The following SAMMSON variants were observed in gnomAD, a reference collection of about 807,000 sequenced individuals.
SAMMSON encodes the protein long intergenic non-protein coding RNA 1212.
At chr3:70,405,030 C>T (rs1258628015) in intron 2 of SAMMSON, among the ~76,000 whole-genome samples, 2 of 152,174 alleles carry the variant, frequency 1.3e-5, no homozygotes, top group African/African-American at 2.4e-5. Flanking sequence ...CAACAAAAAA[C>T]ATCAGTGAAA....
chr3:70,333,477 T>A (rs1484047770), intron 7 of SAMMSON, among the ~76,000 whole-genome samples: 2 of 152,364 alleles, frequency 1.3e-5, no homozygotes, highest in East Asian at 3.9e-4. Flanking sequence ...TTTTCTTCAC[T>A]GGATACTGTC....
intron 6 of SAMMSON, among the ~76,000 whole-genome samples, chr3:70,250,799 T>C (rs1325871513): frequency 1.3e-5 from 2 of 152,164 alleles, no homozygotes; most frequent in African/African-American, 4.8e-5. Flanking sequence ...GACATAAACA[T>C]ATGCATTTCT....
chr3:70,271,630 G>A (rs1278203372), intron 6 of SAMMSON, among the ~76,000 whole-genome samples: 1 of 152,174 alleles, frequency 6.6e-6, no homozygotes, highest in Non-Finnish European at 1.5e-5. Flanking sequence ...AATAGACCCA[G>A]CTAAGAAACT....
At chr3:70,392,952 G>A (rs149330266), downstream of SAMMSON, among the ~76,000 whole-genome samples, 85 of 152,158 alleles carry the variant, frequency 5.6e-4, no homozygotes, top group African/African-American at 2.0e-3. Context: ...ATTTTAATTC[G>A]CATTGCAAAG....
intron 3 of SAMMSON, among the ~76,000 whole-genome samples, chr3:70,031,739 C>G (rs1491696): frequency 0.42 from 63,553 of 151,846 alleles, 13,787 homozygotes; most frequent in East Asian, 0.63. Context: ...GTTAGCTTTT[C>G]TAAATGAAAC....
chr3:70,204,008 G>A (rs932239282), intron 4 of SAMMSON, among the ~76,000 whole-genome samples: 2 of 152,156 alleles, frequency 1.3e-5, no homozygotes, highest in African/African-American at 4.8e-5. Context: ...TGTGTGATGT[G>A]CAGTAAAGAT....
intron 4 of SAMMSON, among the ~76,000 whole-genome samples, chr3:70,179,790 C>T (rs1248064785): frequency 6.6e-6 from 1 of 151,858 alleles, no homozygotes; most frequent in Non-Finnish European, 1.5e-5. Context: ...GGTCAATGAA[C>T]TTCTGCTTGA....
intron 7 of SAMMSON, among the ~76,000 whole-genome samples, chr3:70,298,490 A>T (rs1702313332): frequency 6.6e-6 from 1 of 152,148 alleles, no homozygotes; most frequent in Admixed American, 6.6e-5. Flanking sequence ...ATAAATATGA[A>T]TGAAGCAATA....
intron 3 of SAMMSON, among the ~76,000 whole-genome samples, chr3:70,058,125 G>A (rs1479588859): frequency 6.6e-6 from 1 of 152,046 alleles, no homozygotes; most frequent in Non-Finnish European, 1.5e-5. Flanking sequence ...TCAGCCTCAA[G>A]AAAGTTGATG....
At chr3:70,223,501 T>C (rs1194526108) in intron 4 of SAMMSON, among the ~76,000 whole-genome samples, 1 of 152,164 alleles carries the variant, frequency 6.6e-6, no homozygotes. Flanking sequence ...GTTACTCTTG[T>C]AGATTTCAAG....
At chr3:70,424,156 A>G (rs966098348) in intron 2 of SAMMSON, among the ~76,000 whole-genome samples, 1 of 152,186 alleles carries the variant, frequency 6.6e-6, no homozygotes, top group Non-Finnish European at 1.5e-5. Flanking sequence ...GCTTTTTTAA[A>G]CTGAAAATCT....
intron 5 of SAMMSON, chr3:70,249,272 T>C (rs1701737202): frequency 6.6e-6 from 1 of 152,162 alleles, no homozygotes; most frequent in Admixed American, 6.5e-5. Flanking sequence ...GATTCATTCA[T>C]TCATTCACAA....
chr3:70,303,108 CT>C (rs1289720812), intron 7 of SAMMSON, among the ~76,000 whole-genome samples: 1 of 152,154 alleles, frequency 6.6e-6, no homozygotes, highest in Admixed American at 6.5e-5. Context: ...ACATTCAGTG[CT>C]TCATCAACAG....
intron 4 of SAMMSON, among the ~76,000 whole-genome samples, chr3:70,150,955 G>T (rs1056531052): frequency 6.6e-6 from 1 of 151,648 alleles, no homozygotes; most frequent in Non-Finnish European, 1.5e-5. Context: ...TGACATTCTG[G>T]GTTATCAGAT....
At chr3:70,142,645 C>T (rs1461608349) in intron 4 of SAMMSON, among the ~76,000 whole-genome samples, 1 of 152,066 alleles carries the variant, frequency 6.6e-6, no homozygotes, top group Non-Finnish European at 1.5e-5. Flanking sequence ...AAAGAACTTA[C>T]TCATGTAACC....
intron 3 of SAMMSON, among the ~76,000 whole-genome samples, chr3:70,061,461 A>C (rs188885436): frequency 6.6e-6 from 1 of 152,252 alleles, no homozygotes; most frequent in East Asian, 1.9e-4. Flanking sequence ...ACTGCATATA[A>C]AAACCCATCT....
At chr3:70,139,876 T>C (rs1009135872) in intron 4 of SAMMSON, among the ~76,000 whole-genome samples, 1 of 152,182 alleles carries the variant, frequency 6.6e-6, no homozygotes, top group Admixed American at 6.5e-5. Context: ...TCCTGATGAA[T>C]AGCACCTGGC....
intron 2 of SAMMSON, among the ~76,000 whole-genome samples, chr3:70,409,639 C>T (rs571766773): frequency 5.3e-5 from 8 of 152,036 alleles, no homozygotes; most frequent in South Asian, 2.1e-4. Context: ...AGGTGGTCTG[C>T]GTCATCAAGG....
intron 7 of SAMMSON, among the ~76,000 whole-genome samples, chr3:70,319,152 C>T (rs1056396189): frequency 6.6e-6 from 1 of 152,032 alleles, no homozygotes; most frequent in African/African-American, 2.4e-5. Flanking sequence ...ATTATAGAGT[C>T]CCCTCTTCTC....
Sources: allele counts gnomAD v4.1 joint callset (sites outside exome capture counted in the v4.1 genomes callset), GRCh38; gene constraint gnomAD v4.1.1; transcripts MANE v1.5; gene names NCBI Gene and HGNC (gene_info 2026-07-23, HGNC 2026-07-21).